Variants in MCOLN2 observed in about 807,000 individuals in gnomAD.
The protein encoded by MCOLN2 is mucolipin TRP cation channel 2.
In MCOLN2, 57 loss-of-function variants were observed where a neutral mutation model predicts 67.5. The ratio of observed to expected loss-of-function variants is 0.84; its 90% confidence interval spans 0.68 to 1.05. The LOEUF is 1.05. Ranked by LOEUF, MCOLN2 falls within the 50% of genes least tolerant of loss-of-function variation. MCOLN2 has a pLI of 0.00. For synonymous variants in MCOLN2, 246 were observed against 233.3 expected (o/e 1.05, Z -0.50); for missense variants, 620 against 678.8 (o/e 0.91, Z 0.96).
intron 1 of MCOLN2, among the ~76,000 whole-genome samples, chr1:84,995,051 C>G (rs911239589): frequency 2.6e-5 from 4 of 152,056 alleles, no homozygotes; most frequent in East Asian, 1.9e-4. Flanking sequence ...AATGGCTGGT[C>G]GGTGGAGTAG....
chr1:84,946,087 TGA>T (rs1321062717), intron 7 of MCOLN2, among the ~76,000 whole-genome samples: 6 of 152,164 alleles, frequency 3.9e-5, no homozygotes, highest in Non-Finnish European at 8.8e-5. Flanking sequence ...AGATGTTTTT[TGA>T]GCAATGACTG....
intron 1 of MCOLN2, among the ~76,000 whole-genome samples, chr1:84,987,719 T>TAG (rs1650690878): frequency 6.7e-6 from 1 of 149,760 alleles, no homozygotes; most frequent in African/African-American, 2.5e-5. Context: ...ATATACACCA[T>TAG]TGAATGCTAC....
intron 9 of MCOLN2, among the ~76,000 whole-genome samples, chr1:84,938,809 C>T (rs559479667): frequency 4.6e-4 from 70 of 152,290 alleles, no homozygotes; most frequent in Non-Finnish European, 6.0e-4. Flanking sequence ...TGAGGGAGGC[C>T]ACTTCATCCC....
chr1:84,995,813 A>AAAAC (rs1395073019), intron 1 of MCOLN2, among the ~76,000 whole-genome samples: 11 of 151,962 alleles, frequency 7.2e-5, no homozygotes, highest in Non-Finnish European at 1.5e-4. Context: ...TTTTAAAAAA[A>AAAAC]AACACTTTTG....
intron 7 of MCOLN2, among the ~76,000 whole-genome samples, chr1:84,943,677 G>C (rs1005573885): frequency 3.3e-5 from 5 of 152,180 alleles, no homozygotes; most frequent in African/African-American, 1.2e-4. Flanking sequence ...GGCGAGCAGA[G>C]ACAGCCAGCT....
At chr1:84,941,395 G>A (rs1053348016) in intron 7 of MCOLN2, among the ~76,000 whole-genome samples, 2 of 152,202 alleles carry the variant, frequency 1.3e-5, no homozygotes, top group African/African-American at 2.4e-5. Flanking sequence ...TACTTGGGAG[G>A]CTGAGGCAGA....
At chr1:84,995,604 C>T (rs1651103816) in intron 1 of MCOLN2, among the ~76,000 whole-genome samples, 1 of 152,094 alleles carries the variant, frequency 6.6e-6, no homozygotes, top group African/African-American at 2.4e-5. Flanking sequence ...TCACAAGAAG[C>T]CATCTCTTTT....
At chr1:84,941,452 G>A (rs959445949) in intron 7 of MCOLN2, among the ~76,000 whole-genome samples, 4 of 152,162 alleles carry the variant, frequency 2.6e-5, no homozygotes, top group East Asian at 1.9e-4. Flanking sequence ...AGCCGAGATC[G>A]TGCCACTGCG....
At chr1:84,956,055 C>T (rs1372504436) in intron 4 of MCOLN2, among the ~76,000 whole-genome samples, 1 of 151,646 alleles carries the variant, frequency 6.6e-6, no homozygotes. Context: ...CTATATTTTA[C>T]AAATAATAAA....
intron 1 of MCOLN2, among the ~76,000 whole-genome samples, chr1:84,984,839 C>G (rs1650426404): frequency 1.3e-5 from 2 of 151,976 alleles, no homozygotes; most frequent in African/African-American, 4.8e-5. Flanking sequence ...ACTAAAAATA[C>G]AAAAAGTTTG....
rs184907205 is a variant in MCOLN2 at position 84,941,033 on chromosome 1, C to T, written c.848-42G>A. 313 of 1,288,510 alleles carry T rather than the reference C, an allele frequency of 2.4e-4. 2 individuals carry two copies. The highest frequency in any genetic ancestry group is 1.9e-3 in the African/African-American group (128 of 67,256). The allele number at this position is 1,288,510 out of a possible 1,614,324, so 79.8% of individuals were successfully genotyped here. A position where few individuals can be genotyped will look rare whatever the true frequency, so the allele number is the denominator to read the frequency against. Reference sequence around the variant, plus strand: ...AATTCAAATGTTAAACACACCTTACCGGAGAATAATTTCCAAACAAAATGG... The same window carrying T: ...AATTCAAATGTTAAACACACCTTACTGGAGAATAATTTCCAAACAAAATGG... On this transcript the variant is annotated intron_variant, in intron 7 of 13. Coordinates refer to ENST00000370608, the MANE Select transcript of MCOLN2 (RefSeq NM_153259.4).
chr1:84,993,645 A>C (rs1651004423), intron 1 of MCOLN2, among the ~76,000 whole-genome samples: 1 of 124,054 alleles, frequency 8.1e-6, no homozygotes, highest in Non-Finnish European at 1.6e-5. Flanking sequence ...TTTTTTTGAG[A>C]CGGAGTCTCG....
intron 9 of MCOLN2, among the ~76,000 whole-genome samples, 181 bp downstream of exon 9, chr1:84,939,372 T>C (rs879933909): frequency 2.8e-4 from 43 of 152,102 alleles, no homozygotes; most frequent in Admixed American, 2.0e-4. Context: ...TTTCGTTCCA[T>C]GGAACATCGG....
At chr1:84,960,184 AATT>A (rs1314826107) in intron 2 of MCOLN2, among the ~76,000 whole-genome samples, 2 of 152,192 alleles carry the variant, frequency 1.3e-5, no homozygotes, top group Non-Finnish European at 2.9e-5. Flanking sequence ...CATTTTCAGC[AATT>A]ATTATATGCC....
chr1:84,926,896 G>GA (rs1280405916), intron 13 of MCOLN2, among the ~76,000 whole-genome samples, 175 bp from the exon 14 acceptor site: 9 of 152,020 alleles, frequency 5.9e-5, no homozygotes, highest in Admixed American at 3.3e-4. Context: ...CCAACATTCA[G>GA]AAAAAATAAG....
At chr1:84,956,713 A>G in intron 3 of MCOLN2, 129 bp from the exon 4 acceptor site, 1 of 718,284 alleles carries the variant, frequency 1.4e-6, no homozygotes, top group Non-Finnish European at 2.2e-6. Flanking sequence ...GAACTTCCCA[A>G]TTTAAAATAC....
rs1398566130 is a variant in MCOLN2 at position 84,926,555 on chromosome 1, G to GT, written c.*129dup. On this transcript the variant is annotated 3_prime_UTR_variant, in exon 14 of 14. Transcript: ENST00000370608. Reference sequence around the variant, plus strand: ...TTCAGTCATGGTCAGCTGGCTAACTGTGAGTCCTCTTTCCCACTCCACAAT... The same window carrying GT: ...TTCAGTCATGGTCAGCTGGCTAACTGTTGAGTCCTCTTTCCCACTCCACAAT... 1 of 550,904 alleles carries GT rather than the reference G, an allele frequency of 1.8e-6. No homozygotes were observed. The highest frequency in any genetic ancestry group is 3.6e-5 in the Admixed American group (1 of 27,688). 34.1% of individuals were successfully genotyped at this position (550,904 alleles called of 1,614,324 possible).
chr1:84,946,225 C>G (rs746011920), intron 7 of MCOLN2, among the ~76,000 whole-genome samples: 4 of 152,172 alleles, frequency 2.6e-5, no homozygotes, highest in Non-Finnish European at 5.9e-5. Flanking sequence ...TACTCTGCCC[C>G]ACTCAAACTT....
chr1:84,987,584 A>ATACATCTATT lies in MCOLN2; in HGVS notation c.77+9211_77+9212insAATAGATGTA, dbSNP rs1557666025. Reference sequence around the variant, plus strand: ...TGTATACATAGATGTATACATAGATATATACATATGTATATAGATGTATAT... The same window carrying ATACATCTATT: ...TGTATACATAGATGTATACATAGATATACATCTATTTATACATATGTATATAGATGTATAT... On this transcript the variant is annotated intron_variant, in intron 1 of 13. Transcript: ENST00000370608. Among the ~76,000 whole-genome samples the ATACATCTATT allele has an allele frequency of 5.1e-5, 3 of 58,762 alleles. 1 individual carries two copies. Among genetic ancestry groups the ATACATCTATT allele is most frequent in the Non-Finnish European group, 9.6e-5 (3 of 31,260 alleles). 38.6% of individuals were successfully genotyped at this position (58,762 alleles called of 152,430 possible).
Sources: allele counts gnomAD v4.1 joint callset (sites outside exome capture counted in the v4.1 genomes callset), GRCh38; gene constraint gnomAD v4.1.1; transcripts MANE v1.5; gene names NCBI Gene and HGNC (gene_info 2026-07-23, HGNC 2026-07-21).